Variants in PFKFB2 observed in about 807,000 individuals in gnomAD.
PFKFB2 encodes the protein 6-phosphofructo-2-kinase/fructose-2,6-biphosphatase 2, also known as 6-phosphofructo-2-kinase/fructose-2,6-bisphosphatase 2.
A neutral mutation model predicts 68.0 loss-of-function variants in PFKFB2; 53 were observed. The observed-to-expected ratio is 0.78, with a 90% CI of 0.63 to 0.98. The LOEUF (loss-of-function observed/expected upper bound fraction) is 0.98. Among genes scored for constraint, PFKFB2 ranks in the 50% least tolerant of loss-of-function variants. PFKFB2 has a pLI of 0.00. For missense variants in PFKFB2, 451 were observed against 642.0 expected (o/e 0.70, Z 3.22); for synonymous variants, 222 against 227.6 (o/e 0.98, Z 0.22).
At position 207,061,375 on chromosome 1, in the gene PFKFB2, C is replaced by T. The variant is rs542150691; in HGVS notation, c.86-578C>T. ...CCTTGCTACTTTTTTCCTCTTTCCA[C>T]CTTGGGTACTGCAGTGAAGACCTCA... is the stretch of plus-strand genomic sequence containing the variant. On this transcript the variant is annotated intron_variant, in intron 2 of 14. Coordinates refer to ENST00000367080, the MANE Select transcript of PFKFB2 (RefSeq NM_006212.2). Among the ~76,000 whole-genome samples, 5 of 150,974 alleles carry T rather than the reference C, an allele frequency of 3.3e-5. No individual in the cohort carries two copies. The East Asian group carries it at 9.8e-4, about 29-fold the overall frequency.
chr1:207,052,914 C>G (rs1401916351), upstream of PFKFB2: 1 of 152,212 alleles, frequency 6.6e-6, no homozygotes, highest in East Asian at 1.9e-4. Flanking sequence ...GGAATGAGAG[C>G]GTTAATCTTT....
upstream of PFKFB2, chr1:207,050,822 C>A: frequency 1.2e-6 from 2 of 1,613,198 alleles, no homozygotes; most frequent in Non-Finnish European, 1.7e-6. Flanking sequence ...CTGGAGTTCC[C>A]GCACCCGGGT....
rs1683547361 is a variant in PFKFB2, at chr1:207,073,940, G to T, written c.*1569G>T. The T allele has an allele frequency of 1.0e-6, 1 of 985,388 alleles. No individual in the cohort carries two copies. Among genetic ancestry groups the T allele is most frequent in the Non-Finnish European group, 1.2e-6 (1 of 829,884 alleles). 61.0% of individuals were successfully genotyped at this position (985,388 alleles called of 1,614,324 possible). The stretch of plus-strand genomic sequence containing the variant: ...GTCTTTTAGAGGTAACCAGTGAGAA[G>T]GAGTTAGCTATTTTCCAAGGGTGTT... On this transcript the variant is annotated 3_prime_UTR_variant, in exon 15 of 15. Coordinates refer to ENST00000367080, the MANE Select transcript of PFKFB2 (RefSeq NM_006212.2).
downstream of PFKFB2, chr1:207,079,239 T>C (rs1360623999): frequency 8.5e-6 from 5 of 586,568 alleles, no homozygotes; most frequent in African/African-American, 1.9e-5. Context: ...CCTCAAAACA[T>C]TTAGCAACCT....
At chr1:207,055,713 C>T (rs1682899700) in intron 2 of PFKFB2, among the ~76,000 whole-genome samples, 1 of 151,934 alleles carries the variant, frequency 6.6e-6, no homozygotes, top group Non-Finnish European at 1.5e-5. Flanking sequence ...AACAGCCGAC[C>T]AGCATGAGAC....
downstream of PFKFB2, chr1:207,079,200 G>A: frequency 1.6e-6 from 1 of 615,300 alleles, no homozygotes; most frequent in Non-Finnish European, 2.9e-6. Flanking sequence ...GGGAATATCA[G>A]TTACACTGAA....
At chr1:207,059,605 C>T (rs577712038) in intron 2 of PFKFB2, among the ~76,000 whole-genome samples, 1 of 152,254 alleles carries the variant, frequency 6.6e-6, no homozygotes, top group South Asian at 2.1e-4. Flanking sequence ...GGAGGGGCTC[C>T]TGCTGAGACT....
rs567275946 is a variant in PFKFB2, at chr1:207,057,934, T to G, written c.85+3132T>G. Among the ~76,000 whole-genome samples the G allele has an allele frequency of 2.0e-5, 3 of 152,338 alleles. No individual in the cohort carries two copies. The East Asian group carries it at 5.8e-4, about 29-fold the overall frequency. On this transcript the variant is annotated intron_variant, in intron 2 of 14. Coordinates refer to ENST00000367080, the MANE Select transcript of PFKFB2 (RefSeq NM_006212.2). Reference sequence around the variant, plus strand: ...ACAAAGAGTGCTGCAGTGACCATTCTTACACGTACACCTTTGCACATTTGT... The same window carrying G: ...ACAAAGAGTGCTGCAGTGACCATTCGTACACGTACACCTTTGCACATTTGT...
At chr1:207,054,670 C>G (rs763976877) in intron 1 of PFKFB2, 31 bp from the exon 2 acceptor site, 9 of 1,443,322 alleles carry the variant, frequency 6.2e-6, no homozygotes, top group African/African-American at 1.4e-5. Flanking sequence ...TCTTCCCCTT[C>G]CCTTTTTTAC....
At chr1:207,049,448 G>C, upstream of PFKFB2, 1 of 1,614,130 alleles carries the variant, frequency 6.2e-7, no homozygotes, top group Non-Finnish European at 8.5e-7. Context: ...CAGTACTCTT[G>C]ATTTGTTTTT....
upstream of PFKFB2, chr1:207,049,358 A>G: frequency 6.2e-7 from 1 of 1,614,184 alleles, no homozygotes. Flanking sequence ...TCCACTACAC[A>G]TATTTCACAT....
rs184985494 is a variant in PFKFB2, at chr1:207,076,259, T to C, written c.*3888T>C. 45 of 979,392 alleles carry C rather than the reference T, an allele frequency of 4.6e-5. No individual in the cohort carries two copies. The highest frequency in any genetic ancestry group is 5.2e-4 in the Middle Eastern group (1 of 1,918). 60.7% of individuals were successfully genotyped at this position (979,392 alleles called of 1,614,324 possible). ...CTATGTTACTTTTTTTTTCTTTTTT[T>C]TTTTTTTTTATGAGCAGGAGATCTT... On this transcript the variant is annotated 3_prime_UTR_variant, in exon 15 of 15. Transcript: ENST00000367080.
downstream of PFKFB2, among the ~76,000 whole-genome samples, chr1:207,078,290 T>C (rs1038306972): frequency 6.6e-6 from 1 of 152,200 alleles, no homozygotes; most frequent in African/African-American, 2.4e-5. Context: ...TGTTTTACCA[T>C]TCGCATGCCT....
rs191240209 is a variant in PFKFB2 at position 207,036,796 on chromosome 1, C to G, written c.-62+2324C>G. On this transcript the variant is annotated intron_variant, in intron 1 of 5. Coordinates refer to the PFKFB2 transcript ENST00000545806. ...ACCAACTCTATCCCTGTAACCTTCT[C>G]TCCTGCATCATCATTTTGACCTTTC... Among the ~76,000 whole-genome samples the G allele has an allele frequency of 3.9e-5, 6 of 152,334 alleles. No individual in the cohort carries two copies. The East Asian group carries it at 1.2e-3, about 29-fold the overall frequency.
rs1683422925 is a variant in PFKFB2, at chr1:207,070,128, G to A, written c.1093-152G>A. Reference sequence around the variant, plus strand: ...TTTCTCAAGAGATACCAGGGCTGGGGGCAGTTAGCAGGTGATGTAAACTCA... The same window carrying A: ...TTTCTCAAGAGATACCAGGGCTGGGAGCAGTTAGCAGGTGATGTAAACTCA... On this transcript the variant is annotated intron_variant, in intron 11 of 14. Coordinates refer to ENST00000367080, the MANE Select transcript of PFKFB2 (RefSeq NM_006212.2). The surrounding 1 kb of genome is among the most constrained non-coding windows in gnomAD (Gnocchi z 4.2). 3 of 753,414 alleles carry A rather than the reference G, an allele frequency of 4.0e-6. No individual in the cohort carries two copies. The highest frequency in any genetic ancestry group is 1.8e-5 in the South Asian group (1 of 54,488). 46.7% of individuals were successfully genotyped at this position (753,414 alleles called of 1,614,324 possible).
At chr1:207,068,092 T>TGTG in intron 9 of PFKFB2, 71 bp from the exon 10 acceptor site, 2 of 781,548 alleles carry the variant, frequency 2.6e-6, no homozygotes, top group Non-Finnish European at 3.8e-6. Flanking sequence ...TATGTGTGTG[T>TGTG]TGAGTGTGTG....
Position 207,070,858 on chromosome 1 carries a change from T to C in PFKFB2, c.1223-330T>C. On this transcript the variant is annotated intron_variant, in intron 12 of 14. Coordinates refer to ENST00000367080, the MANE Select transcript of PFKFB2 (RefSeq NM_006212.2). This position sits in a 1 kb window ranked among gnomAD's most constrained non-coding sequence, Gnocchi z 4.2. ...GAAGCCTGCATTGTGGATGCTGAGC[T>C]CAGCATCCTGAGCTGCTTGGAAGCT... The C allele has an allele frequency of 3.3e-6, 1 of 300,748 alleles. No individual in the cohort carries two copies. Among genetic ancestry groups the C allele is most frequent in the Non-Finnish European group, 6.3e-6 (1 of 158,874 alleles). The allele number at this position is 300,748 out of a possible 1,614,324, so 18.6% of individuals were successfully genotyped here. A position where few individuals can be genotyped will look rare whatever the true frequency, so the allele number is the denominator to read the frequency against.
At position 207,075,856 on chromosome 1, in the gene PFKFB2, T is replaced by C; in HGVS notation, c.*3485T>C. On this transcript the variant is annotated 3_prime_UTR_variant, in exon 15 of 15. Coordinates refer to ENST00000367080, the MANE Select transcript of PFKFB2 (RefSeq NM_006212.2). Reference sequence around the variant, plus strand: ...ATTTGAAAGAGAATTCTAAAGCAGATTTAGAGAACCTGCTTCTCTTCTTAT... The same window carrying C: ...ATTTGAAAGAGAATTCTAAAGCAGACTTAGAGAACCTGCTTCTCTTCTTAT... The C allele has an allele frequency of 1.0e-6, 1 of 984,060 alleles. No individual in the cohort carries two copies. Among genetic ancestry groups the C allele is most frequent in the Non-Finnish European group, 1.2e-6 (1 of 828,636 alleles). The allele number at this position is 984,060 out of a possible 1,614,324, so 61.0% of individuals were successfully genotyped here.
Position 207,072,340 on chromosome 1 carries a change from G to A in PFKFB2, c.1487G>A (p.Arg496His), listed in dbSNP as rs538599971. 2.9e-5 allele frequency: 47 copies of A among 1,613,866 alleles called. No individual in the cohort carries two copies. The highest frequency in any genetic ancestry group is 7.7e-5 in the South Asian group (7 of 91,050). Residue 496 changes from arginine (R) to histidine (H), a missense_variant, in exon 15 of 15, where the codon CGT (arginine) becomes CAT (histidine). Arg to His is a conservative substitution (Grantham distance 29). Transcript: ENST00000367080. ...SRPLKPLSPL[R>H]AQDMQEGAD ...CCCCTCAAGCCCCTCAGCCCTCTCC[G>A]TGCCCAGGACATGCAAGAAGGGGCC...
Sources: gnomAD v4.1 joint callset for allele counts (sites outside exome capture counted in the v4.1 genomes callset) on GRCh38, gnomAD v4.1.1 for gene constraint, Gnocchi (gnomAD v3.1) non-coding constraint, MANE v1.5 for transcripts, NCBI Gene and HGNC (gene_info 2026-07-23, HGNC 2026-07-21) for gene names.